Variants in RORA observed in about 807,000 individuals in gnomAD.
RORA encodes RAR related orphan receptor A.
A neutral mutation model predicts 69.5 loss-of-function variants in RORA; 7 were observed. That is an observed-to-expected ratio of 0.10 (90% CI 0.06 to 0.19). The LOEUF is 0.19. Among genes scored for constraint, RORA ranks in the 10% least tolerant of loss-of-function variants. RORA has a pLI of 1.00. For synonymous variants in RORA, 261 were observed against 240.8 expected (o/e 1.08, Z -0.78); for missense variants, 457 against 663.0 (o/e 0.69, Z 3.41).
chr15:61,186,351 G>A, intron 1 of RORA, among the ~76,000 whole-genome samples: 1 of 152,110 alleles, frequency 6.6e-6, no homozygotes, highest in East Asian at 1.9e-4. Flanking sequence ...TAAGAATCCA[G>A]ATGCCCTGGC....
chr15:60,805,995 G>C (rs934406555), intron 1 of RORA, among the ~76,000 whole-genome samples: 1 of 152,200 alleles, frequency 6.6e-6, no homozygotes, highest in African/African-American at 2.4e-5. Flanking sequence ...AATCTGTAGG[G>C]GGTAGATTGG....
Position 60,511,560 on chromosome 15 carries a change from T to C in RORA, c.486A>G (p.Lys162=), listed in dbSNP as rs1344748678. The C allele has an allele frequency of 6.2e-7, 1 of 1,614,114 alleles. No homozygotes were observed. Among genetic ancestry groups the C allele is most frequent in the South Asian group, 1.1e-5 (1 of 91,068 alleles). The stretch of plus-strand genomic sequence containing the variant: ...CGCGCTGCTGCTGCTGCATCCGGTG[T>C]TTCTGTACTTCTGCATACAAGCTGT... ...QRDSLYAEVQ[K]HRMQQQQRDH... The change falls in exon 5 of 11, where the codon AAA becomes AAG. Residue 162 remains lysine, a synonymous_variant. Transcript: ENST00000335670. The surrounding 1 kb of genome is among the most constrained non-coding windows in gnomAD (Gnocchi z 6.4).
intron 1 of RORA, among the ~76,000 whole-genome samples, chr15:60,904,623 G>A (rs1013395073): frequency 7.2e-5 from 11 of 152,208 alleles, no homozygotes; most frequent in Admixed American, 5.2e-4. Context: ...ACCTTAGGTA[G>A]AAAGAGCTAT....
rs879520926 is a variant in RORA at position 60,934,494 on chromosome 15, G to GTTGTTGTTGTTGT, written c.167-255809_167-255808insACAACAACAACAA. The stretch of plus-strand genomic sequence containing the variant: ...TGTTGTTGTTGTTGTTGTTGTTGTT[G>GTTGTTGTTGTTGT]TTGTTTGTTTGTTTGTTTTTTTCTG... On this transcript the variant is annotated intron_variant, in intron 1 of 10. Coordinates refer to ENST00000335670, the MANE Select transcript of RORA (RefSeq NM_134261.3). Among the ~76,000 whole-genome samples the GTTGTTGTTGTTGT allele has an allele frequency of 5.8e-4, 68 of 116,818 alleles. 1 individual carries two copies. Among genetic ancestry groups the GTTGTTGTTGTTGT allele is most frequent in the Middle Eastern group, 9.2e-3 (2 of 218 alleles). The allele number at this position is 116,818 out of a possible 152,430, so 76.6% of individuals were successfully genotyped here.
rs1041293438 is a variant in RORA, at chr15:60,534,450, G to A, written c.197-2599C>T. ...AGATCTGTGGAGGCCAAGACGCTTA[G>A]GATAAATGGACTCACTGTAGATTGA... On this transcript the variant is annotated intron_variant, in intron 2 of 10. Coordinates refer to ENST00000335670, the MANE Select transcript of RORA (RefSeq NM_134261.3). The surrounding 1 kb of genome is among the most constrained non-coding windows in gnomAD (Gnocchi z 5.0). 6.6e-6 allele frequency among the ~76,000 whole-genome samples: 1 copy of A among 152,064 alleles called. No homozygotes were observed.
chr15:60,516,184 T>TA (rs2065931927), intron 3 of RORA, among the ~76,000 whole-genome samples: 2 of 28,040 alleles, frequency 7.1e-5, no homozygotes, highest in Non-Finnish European at 1.1e-4. Context: ...TATATATATA[T>TA]TTATATATAT....
At chr15:61,179,080 C>T (rs977905444) in intron 1 of RORA, among the ~76,000 whole-genome samples, 2 of 152,112 alleles carry the variant, frequency 1.3e-5, no homozygotes, top group African/African-American at 2.4e-5. Flanking sequence ...AATATGGACC[C>T]GAGGACCTCA....
intron 2 of RORA, among the ~76,000 whole-genome samples, chr15:60,656,997 C>T (rs2070230827): frequency 6.6e-6 from 1 of 152,210 alleles, no homozygotes; most frequent in East Asian, 1.9e-4. Flanking sequence ...AGAAAGACCA[C>T]TGAAGAGTGG....
At chr15:60,798,616 A>G (rs16943125) in intron 1 of RORA, among the ~76,000 whole-genome samples, 1,642 of 152,022 alleles carry the variant, frequency 0.011, 29 homozygotes, top group African/African-American at 0.038. Context: ...CACCAAAAAA[A>G]TGGCACCATC....
At chr15:61,000,637 T>G (rs16943471) in intron 1 of RORA, among the ~76,000 whole-genome samples, 5,106 of 151,754 alleles carry the variant, frequency 0.034, 283 homozygotes, top group African/African-American at 0.11. Flanking sequence ...ACCTGGTGAG[T>G]GAAGGTTAGT....
chr15:61,053,857 ATATATAAACAT>A (rs2078050790), intron 1 of RORA, among the ~76,000 whole-genome samples: 1 of 138,338 alleles, frequency 7.2e-6, no homozygotes, highest in South Asian at 2.4e-4. Flanking sequence ...TGATATATAT[ATATATAAACAT>A]TCTTCAGGGA....
intron 1 of RORA, among the ~76,000 whole-genome samples, chr15:60,996,986 A>G (rs1238147621): frequency 3.3e-5 from 5 of 151,966 alleles, no homozygotes; most frequent in African/African-American, 1.2e-4. Flanking sequence ...GGAGCCTATA[A>G]AGTCCACAGT....
At chr15:61,120,663 T>G (rs1282897907) in intron 1 of RORA, among the ~76,000 whole-genome samples, 1 of 136,304 alleles carries the variant, frequency 7.3e-6, no homozygotes, top group South Asian at 2.4e-4. Context: ...ATTGCACCAC[T>G]GCACTCCAAC....
At chr15:61,019,257 C>T (rs1895417179) in intron 1 of RORA, among the ~76,000 whole-genome samples, 3 of 152,190 alleles carry the variant, frequency 2.0e-5, no homozygotes, top group Admixed American at 2.0e-4. Context: ...CTAACATTGT[C>T]ATGATAACCC....
At chr15:61,056,160 A>G (rs1003243822) in intron 1 of RORA, among the ~76,000 whole-genome samples, 1 of 152,240 alleles carries the variant, frequency 6.6e-6, no homozygotes, top group Admixed American at 6.5e-5. Context: ...AAACCAGGAA[A>G]TGACATTGTC....
At chr15:60,826,377 G>T (rs555402914) in intron 1 of RORA, among the ~76,000 whole-genome samples, 3 of 152,150 alleles carry the variant, frequency 2.0e-5, no homozygotes, top group Admixed American at 6.5e-5. Context: ...TGGGTCCCGG[G>T]TGCTAAAAAC....
intron 1 of RORA, among the ~76,000 whole-genome samples, chr15:60,932,192 G>C (rs1376183810): frequency 2.0e-5 from 3 of 152,112 alleles, no homozygotes; most frequent in Non-Finnish European, 4.4e-5. Context: ...CTAATGAGGG[G>C]AAAATCTGAG....
intron 2 of RORA, among the ~76,000 whole-genome samples, chr15:60,579,018 C>T (rs1213204346): frequency 2.7e-5 from 4 of 150,524 alleles, no homozygotes; most frequent in Admixed American, 6.6e-5. Context: ...CCGCCTGCCT[C>T]GGCCTCTCAA....
intron 1 of RORA, among the ~76,000 whole-genome samples, chr15:60,710,253 C>T (rs1596145315): frequency 6.6e-6 from 1 of 152,150 alleles, no homozygotes; most frequent in South Asian, 2.1e-4. Flanking sequence ...CTTTGGGAGG[C>T]CGAGGTGGGT....
Sources: gnomAD v4.1 joint callset for allele counts (sites outside exome capture counted in the v4.1 genomes callset) on GRCh38, gnomAD v4.1.1 for gene constraint, Gnocchi (gnomAD v3.1) non-coding constraint, MANE v1.5 for transcripts, NCBI Gene and HGNC (gene_info 2026-07-23, HGNC 2026-07-21) for gene names.